Variants in MGAT5B observed in about 807,000 individuals in gnomAD.
MGAT5B encodes the protein alpha-1,6-mannosylglycoprotein 6-beta-N-acetylglucosaminyltransferase B, also known as N-acetylglucosaminyl-transferase Vb.
Under a neutral mutation model 95.1 loss-of-function variants are expected in MGAT5B, and 54 were observed. The observed-to-expected ratio is 0.57, with a 90% CI of 0.46 to 0.71. MGAT5B has a LOEUF of 0.71. Ranked by LOEUF, MGAT5B falls within the 30% of genes least tolerant of loss-of-function variation. The pLI is 0.00. For synonymous variants in MGAT5B, 464 were observed against 451.0 expected, an observed-to-expected ratio of 1.03 and a Z score of -0.36; for missense variants, 935 against 1,088.6, an observed-to-expected ratio of 0.86 and a Z score of 1.99.
Position 76,940,281 on chromosome 17 carries a change from G to A in MGAT5B, c.1585-121G>A, listed in dbSNP as rs569390550. On this transcript the variant is annotated intron_variant, in intron 13 of 17. Transcript: ENST00000569840. The surrounding 1 kb of genome is among the most constrained non-coding windows in gnomAD (Gnocchi z 4.3). The stretch of plus-strand genomic sequence containing the variant: ...CATAACAGGCTGAGCAAAAATAATC[G>A]CTCCAGGCCCAGCTGCCTCCTGTGA... The A allele has an allele frequency of 1.3e-4, 158 of 1,235,134 alleles. 1 individual carries two copies. The African/African-American group carries it at 1.9e-3, about 15-fold the overall frequency. The allele number at this position is 1,235,134 out of a possible 1,614,324, so 76.5% of individuals were successfully genotyped here.
Position 76,932,731 on chromosome 17 carries a change from A to G in MGAT5B, c.1378A>G (p.Ser460Gly). 6.2e-7 allele frequency: 1 copy of G among 1,613,962 alleles called. No individual in the cohort carries two copies. ...EKRLIKGGKA[S>G]NMAVVYGKEA... ...GCGGCTCATCAAAGGCGGCAAGGCCAGCAACATGGCCGTGGTGTACGGCAA... is the reference window on the plus strand; with the variant it reads ...GCGGCTCATCAAAGGCGGCAAGGCCGGCAACATGGCCGTGGTGTACGGCAA... The change falls in exon 11 of 18, where the codon AGC (serine) becomes GGC (glycine). Residue 460 changes from serine (S) to glycine (G), a missense_variant. Around this residue, in one of 4 missense-constraint regions of MGAT5B, gnomAD observed 440 missense variants for 523.6 expected, o/e 0.84. Coordinates refer to ENST00000569840, the MANE Select transcript of MGAT5B (RefSeq NM_001199172.2).
chr17:76,944,239 G>A (rs546922113), intron 15 of MGAT5B: 3 of 113,098 alleles, frequency 2.7e-5, no homozygotes, highest in East Asian at 2.8e-4. Flanking sequence ...CGTGGCAGGC[G>A]GAACGTCGTC....
intron 10 of MGAT5B, among the ~76,000 whole-genome samples, chr17:76,928,118 C>T (rs1228213429): frequency 6.6e-6 from 1 of 152,078 alleles, no homozygotes; most frequent in African/African-American, 2.4e-5. Flanking sequence ...TCCTGGGGCT[C>T]ATGCAGTCCA....
At chr17:76,932,507 C>A in intron 10 of MGAT5B, 138 bp from the exon 11 acceptor site, 2 of 1,261,020 alleles carry the variant, frequency 1.6e-6, no homozygotes, top group Non-Finnish European at 2.2e-6. Flanking sequence ...TGATTACACC[C>A]TCCCCACCGC....
intron 6 of MGAT5B, among the ~76,000 whole-genome samples, chr17:76,904,918 G>C (rs1480470350): frequency 2.0e-5 from 3 of 152,230 alleles, no homozygotes; most frequent in Admixed American, 6.5e-5. Context: ...TGGGAACCTG[G>C]AAACTGCTAT....
chr17:76,895,280 C>T (rs1376375784), intron 3 of MGAT5B, among the ~76,000 whole-genome samples: 1 of 151,864 alleles, frequency 6.6e-6, no homozygotes, highest in Non-Finnish European at 1.5e-5. Context: ...AAATGAGTTG[C>T]AGGGCTCCCA....
chr17:76,877,600 GT>G (rs1021556524), intron 2 of MGAT5B, among the ~76,000 whole-genome samples: 1 of 152,190 alleles, frequency 6.6e-6, no homozygotes, highest in African/African-American at 2.4e-5. Flanking sequence ...AGAGCCTGGT[GT>G]GGCCTCCCAC....
chr17:76,891,676 G>T (rs1453094884), intron 3 of MGAT5B, among the ~76,000 whole-genome samples: 1 of 152,248 alleles, frequency 6.6e-6, no homozygotes, highest in African/African-American at 2.4e-5. Context: ...CACTGCGCCC[G>T]GCCCTGGGGG....
chr17:76,869,330 G>A lies in MGAT5B; in HGVS notation c.68+233G>A, dbSNP rs1966908370. Among the ~76,000 whole-genome samples the A allele has an allele frequency of 6.6e-6, 1 of 152,066 alleles. No homozygotes were observed. Among genetic ancestry groups the A allele is most frequent in the Non-Finnish European group, 1.5e-5 (1 of 68,004 alleles). On this transcript the variant is annotated intron_variant, in intron 1 of 17. Coordinates refer to ENST00000569840, the MANE Select transcript of MGAT5B (RefSeq NM_001199172.2). This position sits in a 1 kb window ranked among gnomAD's most constrained non-coding sequence, Gnocchi z 7.0. ...GTCCCGAGTTGGGCAGGGTTGGAGA[G>A]GACTCGGGGTGCAGAGGTAAGAATG...
intron 3 of MGAT5B, among the ~76,000 whole-genome samples, chr17:76,897,661 C>CTTT (rs1443122862): frequency 5.5e-5 from 1 of 18,324 alleles, no homozygotes; most frequent in Non-Finnish European, 9.6e-5. Context: ...AGTAAGGCCA[C>CTTT]TTTCTTTCTT....
At chr17:76,876,385 A>G (rs761498509) in intron 2 of MGAT5B, among the ~76,000 whole-genome samples, 1 of 151,996 alleles carries the variant, frequency 6.6e-6, no homozygotes, top group Non-Finnish European at 1.5e-5. Context: ...TTGTTACCCA[A>G]AAGAAATCTG....
intron 15 of MGAT5B, among the ~76,000 whole-genome samples, chr17:76,945,723 C>T (rs1024377646): frequency 6.6e-6 from 1 of 152,178 alleles, no homozygotes; most frequent in Non-Finnish European, 1.5e-5. Context: ...CATGAATGTC[C>T]CATGTCTTGG....
chr17:76,888,761 G>A (rs1405449203), intron 3 of MGAT5B, among the ~76,000 whole-genome samples: 1 of 152,200 alleles, frequency 6.6e-6, no homozygotes, highest in African/African-American at 2.4e-5. Flanking sequence ...CGAGGAAGTA[G>A]TGACCTGCCA....
rs541485223 is a variant in MGAT5B at position 76,876,067 on chromosome 17, C to T, written c.181+3104C>T. Among the ~76,000 whole-genome samples the T allele has an allele frequency of 2.7e-4, 41 of 152,276 alleles. 1 individual carries two copies. The highest frequency in any genetic ancestry group is 1.3e-4 in the Admixed American group (2 of 15,304). ...TCGCATTGTCCTCCATGATTTCTTTCATACCCTTGGATCAAGCTAATCTGC... is the reference window on the plus strand; with the variant it reads ...TCGCATTGTCCTCCATGATTTCTTTTATACCCTTGGATCAAGCTAATCTGC... On this transcript the variant is annotated intron_variant, in intron 2 of 17. Coordinates refer to ENST00000569840, the MANE Select transcript of MGAT5B (RefSeq NM_001199172.2).
rs1480655708 is a variant in MGAT5B, at chr17:76,905,832, C to T, written c.856-186C>T. The stretch of plus-strand genomic sequence containing the variant: ...AACATTAGCTCCATGAGGGCAAGCA[C>T]GTGACTATCTTGTTCGCCCGTGTCC... On this transcript the variant is annotated intron_variant, in intron 7 of 17. Coordinates refer to ENST00000569840, the MANE Select transcript of MGAT5B (RefSeq NM_001199172.2). This position sits in a 1 kb window ranked among gnomAD's most constrained non-coding sequence, Gnocchi z 4.2. Among the ~76,000 whole-genome samples, 4 of 114,920 alleles carry T rather than the reference C, an allele frequency of 3.5e-5. No individual in the cohort carries two copies. Among genetic ancestry groups the T allele is most frequent in the Non-Finnish European group, 7.0e-5 (4 of 57,462 alleles). The allele number at this position is 114,920 out of a possible 152,430, so 75.4% of individuals were successfully genotyped here.
chr17:76,909,397 C>T (rs1056489889), intron 8 of MGAT5B, among the ~76,000 whole-genome samples: 1 of 152,222 alleles, frequency 6.6e-6, no homozygotes, highest in Non-Finnish European at 1.5e-5. Context: ...TCCTTCAGGG[C>T]CCCAGAACTG....
chr17:76,943,039 C>T (rs1015210836), intron 15 of MGAT5B, among the ~76,000 whole-genome samples: 1 of 151,854 alleles, frequency 6.6e-6, no homozygotes, highest in African/African-American at 2.4e-5. Context: ...AACTTGCCCC[C>T]CCGGGAGGCC....
Position 76,917,210 on chromosome 17 carries a change from G to A in MGAT5B, c.1026-7756G>A, listed in dbSNP as rs568301981. Among the ~76,000 whole-genome samples, 99 of 152,282 alleles carry A rather than the reference G, an allele frequency of 6.5e-4. No individual in the cohort carries two copies. The highest frequency in any genetic ancestry group is 2.3e-3 in the African/African-American group (96 of 41,552). On this transcript the variant is annotated intron_variant, in intron 8 of 17. Transcript: ENST00000569840. This position sits in a 1 kb window ranked among gnomAD's most constrained non-coding sequence, Gnocchi z 6.1. Reference sequence around the variant, plus strand: ...GGCCAGTGGCTCGGGATACGAGTGCGCTGACTGATGAGCCAGGCAGGTCCG... The same window carrying A: ...GGCCAGTGGCTCGGGATACGAGTGCACTGACTGATGAGCCAGGCAGGTCCG...
At chr17:76,871,731 G>C (rs1159941521) in intron 1 of MGAT5B, among the ~76,000 whole-genome samples, 2 of 152,184 alleles carry the variant, frequency 1.3e-5, no homozygotes, top group African/African-American at 4.8e-5. Context: ...GCTCTCTCCA[G>C]GGAGCCTGAC....
Sources: allele counts gnomAD v4.1 joint callset (sites outside exome capture counted in the v4.1 genomes callset), GRCh38; gene constraint gnomAD v4.1.1; regional missense constraint gnomAD v4.1.1; non-coding constraint Gnocchi (gnomAD v3.1); transcripts MANE v1.5; gene names NCBI Gene and HGNC (gene_info 2026-07-23, HGNC 2026-07-21).